The following GRIK1 variants were observed in gnomAD, a reference collection of about 807,000 sequenced individuals.
GRIK1 encodes the protein glutamate receptor ionotropic, kainate 1.
GRIK1 carries 69 observed loss-of-function variants against 105.7 expected under a neutral mutation model. That is an observed-to-expected ratio of 0.65 (90% CI 0.54 to 0.80). GRIK1 has a LOEUF of 0.80. Ranked by LOEUF, GRIK1 falls within the 30% of genes least tolerant of loss-of-function variation. The probability of loss-of-function intolerance (pLI) is 0.00; values close to 1 mark genes in which losing one functional copy is unlikely to be tolerated. For missense variants in GRIK1, 1,109 were observed against 1,167.3 expected (o/e 0.95, Z 0.73); for synonymous variants, 438 against 431.3 (o/e 1.02, Z -0.19).
At chr21:29,571,521 G>T (rs1340289015) in intron 14 of GRIK1, among the ~76,000 whole-genome samples, 2 of 152,144 alleles carry the variant, frequency 1.3e-5, no homozygotes, top group Non-Finnish European at 2.9e-5. Context: ...CATGCTGTCT[G>T]CAAGAATAGC....
In GRIK1 at chr21:29,876,112, A is replaced by ATATGTGTGTG. The variant is rs142408189; in HGVS notation, c.118+63270_118+63271insCACACACATA. The stretch of plus-strand genomic sequence containing the variant: ...ACAATCCCAAGGGGAGGAGATAGAT[A>ATATGTGTGTG]TGTGTGTGTGTGTGTGTGTGTGTGT... On this transcript the variant is annotated intron_variant, in intron 1 of 17. Transcript: ENST00000327783. 8.2e-3 allele frequency among the ~76,000 whole-genome samples: 1,216 copies of ATATGTGTGTG among 149,074 alleles called. 22 individuals carry two copies. The highest frequency in any genetic ancestry group is 0.042 in the Admixed American group (629 of 14,998).
At chr21:29,586,484 AC>A (rs1385086740) in intron 12 of GRIK1, among the ~76,000 whole-genome samples, 2 of 152,254 alleles carry the variant, frequency 1.3e-5, no homozygotes, top group African/African-American at 4.8e-5. Flanking sequence ...TGGAGGGAAA[AC>A]AAAAATTGAT....
At chr21:29,836,153 A>G (rs1210692190) in intron 1 of GRIK1, among the ~76,000 whole-genome samples, 1 of 152,226 alleles carries the variant, frequency 6.6e-6, no homozygotes, top group Non-Finnish European at 1.5e-5. Flanking sequence ...TCTTAGATAT[A>G]AAAAGAAAGC....
At chr21:29,891,920 C>T (rs1285871846) in intron 1 of GRIK1, among the ~76,000 whole-genome samples, 1 of 152,176 alleles carries the variant, frequency 6.6e-6, no homozygotes, top group East Asian at 1.9e-4. Context: ...CTACTGAACA[C>T]ATATCTTGTT....
chr21:29,939,600 C>A lies in GRIK1; in HGVS notation c.-100G>T. ...GTCCCCGCCTCATCCTCTCTGGATG[C>A]TCCGGTTCCAAGCACGCTGCGCGCT... is the stretch of plus-strand genomic sequence containing the variant. On this transcript the variant is annotated 5_prime_UTR_variant, in exon 1 of 18. Transcript: ENST00000327783. 1.4e-6 allele frequency: 1 copy of A among 696,962 alleles called. No individual in the cohort carries two copies. Among genetic ancestry groups the A allele is most frequent in the Non-Finnish European group, 2.3e-6 (1 of 428,122 alleles). 43.2% of individuals were successfully genotyped at this position (696,962 alleles called of 1,614,324 possible).
At chr21:29,630,523 C>T (rs2146478420) in intron 7 of GRIK1, 1 of 471,662 alleles carries the variant, frequency 2.1e-6, no homozygotes, top group Non-Finnish European at 4.4e-6. Flanking sequence ...GAGATTTGCT[C>T]TCTTCTGGTC....
At chr21:29,828,912 A>T (rs922519246) in intron 1 of GRIK1, among the ~76,000 whole-genome samples, 1 of 152,176 alleles carries the variant, frequency 6.6e-6, no homozygotes, top group African/African-American at 2.4e-5. Context: ...GTCACATAAC[A>T]GAGCGATATT....
At chr21:29,841,466 G>T (rs2146003688) in intron 1 of GRIK1, among the ~76,000 whole-genome samples, 2 of 152,280 alleles carry the variant, frequency 1.3e-5, no homozygotes, top group Admixed American at 1.3e-4. Context: ...ATTCTAAGAA[G>T]TTAAGTAGTT....
At chr21:29,861,063 T>A (rs536360350) in intron 1 of GRIK1, among the ~76,000 whole-genome samples, 1 of 152,262 alleles carries the variant, frequency 6.6e-6, no homozygotes, top group South Asian at 2.1e-4. Flanking sequence ...GTGACTCACT[T>A]TTGTGGTAGA....
chr21:29,660,486 T>C (rs1394255609), intron 4 of GRIK1, among the ~76,000 whole-genome samples: 1 of 152,186 alleles, frequency 6.6e-6, no homozygotes, highest in African/African-American at 2.4e-5. Context: ...TGGAAGGCAA[T>C]GCAGAGCTAT....
At chr21:29,910,725 A>G (rs1485451883) in intron 1 of GRIK1, among the ~76,000 whole-genome samples, 1 of 152,124 alleles carries the variant, frequency 6.6e-6, no homozygotes, top group Admixed American at 6.6e-5. Flanking sequence ...GACATGTTGT[A>G]CTGCATCCTA....
At chr21:29,841,046 A>G (rs1166257358) in intron 1 of GRIK1, among the ~76,000 whole-genome samples, 1 of 152,186 alleles carries the variant, frequency 6.6e-6, no homozygotes, top group African/African-American at 2.4e-5. Flanking sequence ...CATATGTAAT[A>G]TTTAGCTTTT....
chr21:29,613,439 G>C (rs1241431336), intron 7 of GRIK1, among the ~76,000 whole-genome samples: 1 of 152,120 alleles, frequency 6.6e-6, no homozygotes, highest in Non-Finnish European at 1.5e-5. Context: ...TACACCATAA[G>C]AATCACTGGA....
chr21:29,693,788 A>G (rs2063632599), intron 2 of GRIK1, 108 bp downstream of exon 2: 1 of 783,966 alleles, frequency 1.3e-6, no homozygotes, highest in Non-Finnish European at 2.1e-6. Context: ...CCCGCGACCC[A>G]TTTGCACAAA....
chr21:29,850,117 G>A (rs1256555345), intron 1 of GRIK1, among the ~76,000 whole-genome samples: 1 of 152,126 alleles, frequency 6.6e-6, no homozygotes, highest in East Asian at 1.9e-4. Context: ...CTTTCAGAAG[G>A]ATCATGATAT....
rs566507649 is a variant in GRIK1 at position 29,574,074 on chromosome 21, G to A, written c.2130+2890C>T. Among the ~76,000 whole-genome samples, 54 of 146,714 alleles carry A rather than the reference G, an allele frequency of 3.7e-4. 1 individual carries two copies. The highest frequency in any genetic ancestry group is 2.2e-4 in the South Asian group (1 of 4,456). On this transcript the variant is annotated intron_variant, in intron 14 of 17. Coordinates refer to ENST00000327783, the MANE Select transcript of GRIK1 (RefSeq NM_001330994.2). ...AAATACTGTATAAACTTACCTTTAG[G>A]CTATATGCATAAGGTATATATGATG...
intron 3 of GRIK1, among the ~76,000 whole-genome samples, chr21:29,680,191 C>T (rs1489288142): frequency 1.3e-5 from 2 of 152,096 alleles, no homozygotes; most frequent in African/African-American, 4.8e-5. Context: ...TGAGAATATC[C>T]ATGATGATTT....
intron 1 of GRIK1, among the ~76,000 whole-genome samples, chr21:29,767,471 G>T (rs1422021452): frequency 6.6e-6 from 1 of 151,690 alleles, no homozygotes; most frequent in Non-Finnish European, 1.5e-5. Flanking sequence ...TATGGAAGTT[G>T]TTGTGACCTT....
chr21:29,631,353 G>A (rs1443712260), intron 7 of GRIK1, among the ~76,000 whole-genome samples: 2 of 152,164 alleles, frequency 1.3e-5, no homozygotes, highest in African/African-American at 4.8e-5. Context: ...TCCCCATGGT[G>A]GGATGAGTGT....
Sources: gnomAD v4.1 joint callset for allele counts (sites outside exome capture counted in the v4.1 genomes callset) on GRCh38, gnomAD v4.1.1 for gene constraint, MANE v1.5 for transcripts, NCBI Gene and HGNC (gene_info 2026-07-23, HGNC 2026-07-21) for gene names.